Variants in SHROOM3 observed in about 807,000 individuals in gnomAD.
The protein encoded by SHROOM3 is shroom family member 3, also known as protein Shroom3.
Under a neutral mutation model 138.6 loss-of-function variants are expected in SHROOM3, and 47 were observed. The observed-to-expected ratio is 0.34, with a 90% CI of 0.27 to 0.43. The LOEUF is 0.43. SHROOM3 is among the 20% of genes least tolerant of loss of function. The pLI is 1.00. For synonymous variants in SHROOM3, 1,062 were observed against 1,063.3 expected (o/e 1.00, Z 0.02); for missense variants, 2,491 against 2,596.5 (o/e 0.96, Z 0.88).
intron 2 of SHROOM3, 138 bp downstream of exon 2, chr4:76,555,901 T>C: frequency 2.1e-6 from 2 of 958,488 alleles, no homozygotes; most frequent in Non-Finnish European, 3.2e-6. Context: ...CCTTTTTTTC[T>C]TTTTTCTTTC....
chr4:76,518,765 A>G (rs1426573437), intron 1 of SHROOM3, among the ~76,000 whole-genome samples: 4 of 152,182 alleles, frequency 2.6e-5, no homozygotes, highest in East Asian at 1.9e-4. Flanking sequence ...AAACATAAAT[A>G]CTGATACAGG....
intron 1 of SHROOM3, among the ~76,000 whole-genome samples, chr4:76,530,658 A>G (rs1481224227): frequency 6.6e-6 from 1 of 152,218 alleles, no homozygotes; most frequent in Admixed American, 6.5e-5. Flanking sequence ...TATAACTTGG[A>G]GGAAGAAACC....
At chr4:76,713,164 A>G (rs188880488) in intron 3 of SHROOM3, among the ~76,000 whole-genome samples, 2 of 152,116 alleles carry the variant, frequency 1.3e-5, no homozygotes, top group Non-Finnish European at 2.9e-5. Flanking sequence ...TTTATTTAAA[A>G]TTTTTTCTTC....
intron 2 of SHROOM3, among the ~76,000 whole-genome samples, chr4:76,556,918 T>A (rs972938293): frequency 6.6e-6 from 1 of 152,138 alleles, no homozygotes; most frequent in African/African-American, 2.4e-5. Context: ...CTCTCCCTAG[T>A]GTGCTGGGCT....
intron 1 of SHROOM3, among the ~76,000 whole-genome samples, chr4:76,466,048 T>C (rs1440374481): frequency 6.6e-6 from 1 of 152,248 alleles, no homozygotes; most frequent in Non-Finnish European, 1.5e-5. Flanking sequence ...TGTTGGTCTC[T>C]GCTTTCTTTA....
At chr4:76,479,346 A>G (rs1263633786) in intron 1 of SHROOM3, among the ~76,000 whole-genome samples, 1 of 151,928 alleles carries the variant, frequency 6.6e-6, no homozygotes, top group Non-Finnish European at 1.5e-5. Context: ...CACAAGTATC[A>G]ATAGCTGAAT....
chr4:76,436,132 A>G lies in SHROOM3; in HGVS notation c.80A>G (p.Tyr27Cys), dbSNP rs1730559013. Residue 27 changes from tyrosine (Y) to cysteine (C), a missense_variant, in exon 1 of 11, where the codon TAT becomes TGT. Around this residue, in one of 4 missense-constraint regions of SHROOM3, gnomAD observed 284 missense variants for 322.8 expected, o/e 0.88. Transcript: ENST00000296043. The part of the protein sequence containing the change: ...SNTATKGRYI[Y>C]LEAFLEGGAP... The stretch of plus-strand genomic sequence containing the variant: ...ACGGCCACCAAGGGAAGGTACATTT[A>G]TCTGGAGGCATTCCTGGAGGGAGGA... 4 of 1,613,928 alleles carry G rather than the reference A, an allele frequency of 2.5e-6. No homozygotes were observed. Among genetic ancestry groups the G allele is most frequent in the Non-Finnish European group, 1.7e-6 (2 of 1,179,942 alleles).
chr4:76,502,644 C>G (rs563587948), intron 1 of SHROOM3, among the ~76,000 whole-genome samples: 1 of 152,208 alleles, frequency 6.6e-6, no homozygotes, highest in Non-Finnish European at 1.5e-5. Flanking sequence ...TAGAGAGATT[C>G]GAAGAACCAT....
chr4:76,570,767 G>GAGGGCTGTGTAATAATTCATGCA (rs1733820046), intron 2 of SHROOM3, among the ~76,000 whole-genome samples: 1 of 152,220 alleles, frequency 6.6e-6, no homozygotes, highest in African/African-American at 2.4e-5. Flanking sequence ...GGACAGCCCT[G>GAGGGCTGTGTAATAATTCATGCA]CAACAGTGAG....
chr4:76,459,153 C>T (rs1257923998), intron 1 of SHROOM3, among the ~76,000 whole-genome samples: 2 of 152,110 alleles, frequency 1.3e-5, no homozygotes, highest in African/African-American at 4.8e-5. Flanking sequence ...TTATAACAGG[C>T]CCAAATCTCT....
chr4:76,704,468 G>A (rs1238743896), intron 2 of SHROOM3, among the ~76,000 whole-genome samples: 1 of 152,250 alleles, frequency 6.6e-6, no homozygotes, highest in Non-Finnish European at 1.5e-5. Context: ...AGGAGGTGAT[G>A]TTCCAGCTGG....
intron 2 of SHROOM3, among the ~76,000 whole-genome samples, chr4:76,624,127 C>T (rs1354931706): frequency 6.6e-6 from 1 of 152,108 alleles, no homozygotes; most frequent in Non-Finnish European, 1.5e-5. Flanking sequence ...GTGTTTTTAA[C>T]ACATAATTAA....
intron 1 of SHROOM3, among the ~76,000 whole-genome samples, chr4:76,468,974 C>T (rs1731307379): frequency 6.7e-6 from 1 of 149,746 alleles, no homozygotes; most frequent in Non-Finnish European, 1.5e-5. Flanking sequence ...GTGCAGCTTG[C>T]AGTGAGCTGA....
chr4:76,488,392 T>C (rs1731781710), intron 1 of SHROOM3, among the ~76,000 whole-genome samples: 1 of 152,194 alleles, frequency 6.6e-6, no homozygotes, highest in South Asian at 2.1e-4. Flanking sequence ...AACAATTTTC[T>C]TAGTGGCATG....
rs1719009448 is a variant in SHROOM3, at chr4:76,675,669, GCAA to G, written c.324-34484_324-34482del. ...GGCCAGGAATTCAAGACCAGCCTAG[GCAA>G]CATAGAGGCCCCATTTTTATAAAAA... is the stretch of plus-strand genomic sequence containing the variant. On this transcript the variant is annotated intron_variant, in intron 2 of 10. Transcript: ENST00000296043. 2.6e-5 allele frequency among the ~76,000 whole-genome samples: 4 copies of G among 152,274 alleles called. No individual in the cohort carries two copies. The South Asian group carries it at 6.2e-4, about 24-fold the overall frequency.
At chr4:76,548,282 C>T (rs556195310) in intron 1 of SHROOM3, among the ~76,000 whole-genome samples, 60 of 152,268 alleles carry the variant, frequency 3.9e-4, no homozygotes, top group African/African-American at 1.3e-3. Flanking sequence ...AAATCCAGCA[C>T]GGCAGGGCCT....
chr4:76,779,260 T>C lies in SHROOM3; in HGVS notation c.*83T>C. 6.7e-7 allele frequency: 1 copy of C among 1,498,142 alleles called. No homozygotes were observed. The highest frequency in any genetic ancestry group is 1.3e-5 in the South Asian group (1 of 74,746). The allele number at this position is 1,498,142 out of a possible 1,614,324, so 92.8% of individuals were successfully genotyped here. A position where few individuals can be genotyped will look rare whatever the true frequency, so the allele number is the denominator to read the frequency against. ...AAAAATGTTTCAGTACAAACCACTG[T>C]TTGAACTATCTGGGTTATTGGTGTT... On this transcript the variant is annotated 3_prime_UTR_variant, in exon 11 of 11. Transcript: ENST00000296043.
intron 2 of SHROOM3, among the ~76,000 whole-genome samples, chr4:76,662,936 G>GGAGGGAGA (rs937518177): frequency 4.6e-5 from 7 of 151,290 alleles, no homozygotes; most frequent in South Asian, 2.1e-4. Context: ...AGAGGGAGAG[G>GGAGGGAGA]GAGGGAGAGA....
intron 2 of SHROOM3, among the ~76,000 whole-genome samples, chr4:76,585,076 A>G (rs927394819): frequency 1.3e-5 from 2 of 152,242 alleles, no homozygotes; most frequent in African/African-American, 2.4e-5. Context: ...CAATCTTTCA[A>G]TAAAATTAGT....
Sources: gnomAD v4.1 joint callset for allele counts (sites outside exome capture counted in the v4.1 genomes callset) on GRCh38, gnomAD v4.1.1 for gene constraint, gnomAD v4.1.1 regional missense constraint, MANE v1.5 for transcripts, NCBI Gene and HGNC (gene_info 2026-07-23, HGNC 2026-07-21) for gene names.